PRDM10: variants seen among roughly 807,000 people sequenced by gnomAD.
PRDM10 encodes the protein PR domain zinc finger protein 10.
PRDM10 carries 65 observed loss-of-function variants against 133.1 expected under a neutral mutation model. The ratio of observed to expected loss-of-function variants is 0.49; its 90% CI spans 0.40 to 0.60. PRDM10 has a LOEUF of 0.60. PRDM10 is among the 20% of genes least tolerant of loss of function. The probability of loss-of-function intolerance (pLI) is 0.00; values close to 1 mark genes in which losing one functional copy is unlikely to be tolerated. For synonymous variants in PRDM10, 582 were observed against 580.4 expected, an observed-to-expected ratio of 1.00 and a Z score of -0.04; for missense variants, 1,137 against 1,507.1, an observed-to-expected ratio of 0.75 and a Z score of 4.07.
intron 1 of PRDM10, among the ~76,000 whole-genome samples, chr11:129,980,897 G>A (rs1482866145): frequency 8.6e-6 from 1 of 116,138 alleles, no homozygotes; most frequent in African/African-American, 3.4e-5. Context: ...TTGAGACAGA[G>A]TTTCACTCTT....
In PRDM10 at chr11:129,923,411, T is replaced by A; in HGVS notation, c.1879-8A>T. Reference sequence around the variant, plus strand: ...GCGCACGTGTTTTTTCACCTGGTGATAAGAACCACAGGAAAATTCAGGGGA... The same window carrying A: ...GCGCACGTGTTTTTTCACCTGGTGAAAAGAACCACAGGAAAATTCAGGGGA... On this transcript the variant is annotated splice_region_variant and splice_polypyrimidine_tract_variant and intron_variant, in intron 12 of 20. Transcript: ENST00000360871. The surrounding 1 kb of genome is among the most constrained non-coding windows in gnomAD (Gnocchi z 4.4). 1 of 1,601,644 alleles carries A rather than the reference T, an allele frequency of 6.2e-7. No individual in the cohort carries two copies. The highest frequency in any genetic ancestry group is 1.7e-5 in the Admixed American group (1 of 58,258).
intron 20 of PRDM10, among the ~76,000 whole-genome samples, chr11:129,902,897 ATATT>A (rs140984322): frequency 0.063 from 9,550 of 152,294 alleles, 422 homozygotes; most frequent in Non-Finnish European, 0.099. Context: ...CCAAGAAGAG[ATATT>A]TAAAGTCTCC....
At chr11:129,952,448 T>C (rs998181618) in intron 4 of PRDM10, among the ~76,000 whole-genome samples, 4 of 152,168 alleles carry the variant, frequency 2.6e-5, no homozygotes, top group African/African-American at 7.2e-5. Flanking sequence ...AAATATCAAA[T>C]AGAATAGTAT....
At chr11:129,938,625 G>T (rs1178532201) in intron 7 of PRDM10, among the ~76,000 whole-genome samples, 2 of 152,046 alleles carry the variant, frequency 1.3e-5, no homozygotes, top group East Asian at 3.9e-4. Flanking sequence ...AGCCAGAGTG[G>T]TCTCCTCAAA....
Position 129,923,651 on chromosome 11 carries a change from AG to A in PRDM10, c.1879-249del, listed in dbSNP as rs1473681186. 2.3e-5 allele frequency among the ~76,000 whole-genome samples: 3 copies of A among 128,416 alleles called. No homozygotes were observed. Among genetic ancestry groups the A allele is most frequent in the Non-Finnish European group, 3.5e-5 (2 of 57,516 alleles). 84.2% of individuals were successfully genotyped at this position (128,416 alleles called of 152,430 possible). On this transcript the variant is annotated intron_variant, in intron 12 of 20. Coordinates refer to ENST00000360871, the MANE Select transcript of PRDM10 (RefSeq NM_199437.2). The surrounding 1 kb of genome is among the most constrained non-coding windows in gnomAD (Gnocchi z 4.4). ...CCCGATGACTTGAAACGTGAGAGAG[AG>A]AGAGAGAGAGAGAGAGAGAGAGAGA...
rs1950413725 is a variant in PRDM10 at position 129,918,157 on chromosome 11, GA to G, written c.2214+381del. Among the ~76,000 whole-genome samples the G allele has an allele frequency of 6.6e-6, 1 of 151,050 alleles. No individual in the cohort carries two copies. Among genetic ancestry groups the G allele is most frequent in the African/African-American group, 2.4e-5 (1 of 41,056 alleles). ...AAAAATAAATAAATAAAATAAAAGG[GA>G]ACAGCTGGGGAGAAGGCAAATACCC... On this transcript the variant is annotated intron_variant, in intron 14 of 20. Coordinates refer to ENST00000360871, the MANE Select transcript of PRDM10 (RefSeq NM_199437.2). The surrounding 1 kb of genome is among the most constrained non-coding windows in gnomAD (Gnocchi z 5.3).
chr11:129,973,516 G>T (rs1937619300), intron 1 of PRDM10, among the ~76,000 whole-genome samples: 1 of 152,056 alleles, frequency 6.6e-6, no homozygotes, highest in Non-Finnish European at 1.5e-5. Flanking sequence ...TTAAAACTAT[G>T]TTACACACCA....
chr11:129,950,976 A>C (rs980790009), intron 4 of PRDM10, among the ~76,000 whole-genome samples: 1 of 152,214 alleles, frequency 6.6e-6, no homozygotes, highest in Non-Finnish European at 1.5e-5. Flanking sequence ...GGCAAAAGGA[A>C]ATGCTTAAAC....
chr11:129,912,063 A>C, intron 18 of PRDM10, 22 bp downstream of exon 18: 2 of 1,578,248 alleles, frequency 1.3e-6, no homozygotes, highest in Non-Finnish European at 1.7e-6. Context: ...AACACCTCCA[A>C]ATAGTCTGTG....
At chr11:129,995,670 G>C (rs893261928) in intron 1 of PRDM10, among the ~76,000 whole-genome samples, 8 of 152,122 alleles carry the variant, frequency 5.3e-5, no homozygotes, top group Admixed American at 5.2e-4. Flanking sequence ...AGAGGGGCAG[G>C]GGCCGTAGCG....
intron 1 of PRDM10, among the ~76,000 whole-genome samples, chr11:129,962,740 C>A (rs1951820132): frequency 6.6e-6 from 1 of 151,982 alleles, no homozygotes; most frequent in Non-Finnish European, 1.5e-5. Context: ...TAAAGCATAC[C>A]TTCCTTATAT....
chr11:129,935,294 A>C (rs529122093), intron 8 of PRDM10, 76 bp from the exon 9 acceptor site: 24 of 1,041,838 alleles, frequency 2.3e-5, no homozygotes, highest in Admixed American at 3.4e-5. Context: ...TGCGATCCCC[A>C]CCATTCTTAT....
intron 1 of PRDM10, among the ~76,000 whole-genome samples, chr11:129,996,555 A>G (rs1282614785): frequency 3.3e-5 from 5 of 152,222 alleles, no homozygotes. Flanking sequence ...TGGCCCACAA[A>G]GCCAACAACA....
intron 1 of PRDM10, among the ~76,000 whole-genome samples, chr11:129,994,030 A>G (rs1465992939): frequency 6.6e-6 from 1 of 152,192 alleles, no homozygotes; most frequent in Non-Finnish European, 1.5e-5. Context: ...TTTTATTTAA[A>G]GCCACTCAAT....
intron 20 of PRDM10, 56 bp from the exon 21 acceptor site, chr11:129,902,572 G>T: frequency 6.4e-7 from 1 of 1,564,978 alleles, no homozygotes; most frequent in East Asian, 2.3e-5. Context: ...GGAGGGTGAA[G>T]CTACTGGGGA....
chr11:129,984,514 C>T (rs567451258), intron 1 of PRDM10, among the ~76,000 whole-genome samples: 36 of 152,250 alleles, frequency 2.4e-4, no homozygotes, highest in South Asian at 6.2e-4. Flanking sequence ...CTCCCTGCCT[C>T]GGCCTCGGCC....
intron 2 of PRDM10, 81 bp from the exon 3 acceptor site, chr11:129,957,991 T>C (rs1565495500): frequency 3.4e-6 from 5 of 1,455,996 alleles, no homozygotes; most frequent in Non-Finnish European, 4.7e-6. Context: ...TTCTAAAAGA[T>C]CCCCAATGAC....
At chr11:130,002,456 A>T (rs1252637936) in intron 1 of PRDM10, among the ~76,000 whole-genome samples, 1 of 149,788 alleles carries the variant, frequency 6.7e-6, no homozygotes, top group Non-Finnish European at 1.5e-5. Context: ...AGATGGTTTG[A>T]CCCCCCACCC....
chr11:129,920,714 C>A (rs945839402), intron 13 of PRDM10, among the ~76,000 whole-genome samples: 2 of 151,912 alleles, frequency 1.3e-5, no homozygotes, highest in Non-Finnish European at 2.9e-5. Flanking sequence ...CTTTCCCTAG[C>A]TGGCAAACTG....
Sources: gnomAD v4.1 joint callset for allele counts (sites outside exome capture counted in the v4.1 genomes callset) on GRCh38, gnomAD v4.1.1 for gene constraint, Gnocchi (gnomAD v3.1) non-coding constraint, MANE v1.5 for transcripts, NCBI Gene and HGNC (gene_info 2026-07-23, HGNC 2026-07-21) for gene names.